Variants in KIF14 observed in about 807,000 individuals in gnomAD.
KIF14 encodes the protein kinesin family member 14, also known as kinesin-like protein KIF14.
In KIF14, 98 loss-of-function variants were observed where a neutral mutation model predicts 176.2. The ratio of observed to expected loss-of-function variants is 0.56; its 90% CI spans 0.47 to 0.66. The LOEUF is 0.66. Among genes scored for constraint, KIF14 ranks in the 30% least tolerant of loss-of-function variants. KIF14 has a pLI of 0.00. For synonymous variants in KIF14, 566 were observed against 632.2 expected (o/e 0.90, Z 1.57); for missense variants, 1,751 against 1,920.4 (o/e 0.91, Z 1.65).
At chr1:200,610,410 T>G (rs556273699) in intron 4 of KIF14, among the ~76,000 whole-genome samples, 1 of 150,094 alleles carries the variant, frequency 6.7e-6, no homozygotes, top group South Asian at 2.1e-4. Context: ...CTCAGGAGGC[T>G]GAGGCAGAAG....
At position 200,598,433 on chromosome 1, in the gene KIF14, C is replaced by T; in HGVS notation, c.2365-12G>A. On this transcript the variant is annotated splice_polypyrimidine_tract_variant and intron_variant, in intron 13 of 29. Transcript: ENST00000367350. ...ATAATTCCTGCTTTCTGGTAGAAGTCAGAAAAAGAAATTAATCTTAATCAC... is the reference window on the plus strand; with the variant it reads ...ATAATTCCTGCTTTCTGGTAGAAGTTAGAAAAAGAAATTAATCTTAATCAC... 6.3e-7 allele frequency: 1 copy of T among 1,593,324 alleles called. No homozygotes were observed. The highest frequency in any genetic ancestry group is 8.5e-7 in the Non-Finnish European group (1 of 1,171,456).
chr1:200,578,806 A>G (rs192837095), intron 21 of KIF14, among the ~76,000 whole-genome samples: 6 of 152,336 alleles, frequency 3.9e-5, no homozygotes, highest in Admixed American at 3.9e-4. Context: ...TTAACAAAAA[A>G]TTCAGCCAGG....
chr1:200,553,870 T>C, intron 29 of KIF14, 103 bp from the exon 30 acceptor site: 2 of 1,163,526 alleles, frequency 1.7e-6, no homozygotes, highest in South Asian at 3.2e-5. Context: ...AAAGTGACCC[T>C]ATCAAAACAA....
rs755937665 is a variant in KIF14 at position 200,600,041 on chromosome 1, AAAT to A, written c.2364+6_2364+8del. The A allele has an allele frequency of 2.3e-4, 341 of 1,513,146 alleles. 3 individuals carry two copies. In the South Asian group the frequency reaches 3.8e-3, roughly 17 times the overall value. 93.7% of individuals were successfully genotyped at this position (1,513,146 alleles called of 1,614,324 possible). On this transcript the variant is annotated splice_donor_region_variant and intron_variant, in intron 13 of 29. Coordinates refer to ENST00000367350, the MANE Select transcript of KIF14 (RefSeq NM_014875.3). ...ATTTTCTAATCAGTTTAGAAAGTTGAAATAATACCTGTAACTCTTTTGTTTCTT... is the reference window on the plus strand; with the variant it reads ...ATTTTCTAATCAGTTTAGAAAGTTGAAATACCTGTAACTCTTTTGTTTCTT...
intron 14 of KIF14, among the ~76,000 whole-genome samples, chr1:200,597,256 AGAAC>A (rs1659399586): frequency 6.6e-6 from 1 of 152,192 alleles, no homozygotes; most frequent in Non-Finnish European, 1.5e-5. Context: ...AATAAAATTA[AGAAC>A]TTCAATCAAT....
chr1:200,568,729 G>A (rs2102604619), intron 23 of KIF14, among the ~76,000 whole-genome samples: 1 of 152,072 alleles, frequency 6.6e-6, no homozygotes, highest in South Asian at 2.1e-4. Context: ...AACCTACTCT[G>A]GCTTTTGTCA....
In KIF14 at chr1:200,619,416, G is replaced by C. The variant is rs537094066; in HGVS notation, c.-115-578C>G. Among the ~76,000 whole-genome samples the C allele has an allele frequency of 9.9e-5, 15 of 151,990 alleles. No individual in the cohort carries two copies. In the East Asian group the frequency reaches 2.9e-3, roughly 29 times the overall value. On this transcript the variant is annotated intron_variant, in intron 1 of 29. Coordinates refer to ENST00000367350, the MANE Select transcript of KIF14 (RefSeq NM_014875.3). ...TCACCAGGCTGGAGTGCAGTGGCAC[G>C]ACCTTGGCTTGCTGCAACCTCCTCC...
intron 21 of KIF14, among the ~76,000 whole-genome samples, chr1:200,576,377 C>T (rs1372336425): frequency 8.6e-5 from 13 of 150,764 alleles, no homozygotes; most frequent in Admixed American, 1.3e-4. Flanking sequence ...ACTCGGGAGG[C>T]TGAGGCAAGA....
chr1:200,570,683 G>C (rs1470315632), intron 22 of KIF14, among the ~76,000 whole-genome samples: 1 of 152,196 alleles, frequency 6.6e-6, no homozygotes, highest in Non-Finnish European at 1.5e-5. Flanking sequence ...ATTTTATCCT[G>C]AGCAAATTAT....
Position 200,552,445 on chromosome 1 carries a change from C to A in KIF14, c.*943G>T, listed in dbSNP as rs1346500200. The A allele has an allele frequency of 6.6e-6, 1 of 152,004 alleles. No homozygotes were observed. The highest frequency in any genetic ancestry group is 2.4e-5 in the African/African-American group (1 of 41,392). The allele number at this position is 152,004 out of a possible 1,614,324, so 9.4% of individuals were successfully genotyped here. On this transcript the variant is annotated 3_prime_UTR_variant, in exon 30 of 30. Coordinates refer to ENST00000367350, the MANE Select transcript of KIF14 (RefSeq NM_014875.3). ...AAAACAAGCATTATCAAGAGAAGGT[C>A]CAGCCTCTGATCTCCTAATCTCATC...
intron 23 of KIF14, among the ~76,000 whole-genome samples, chr1:200,568,295 C>T (rs1657580048): frequency 2.0e-5 from 3 of 152,098 alleles, no homozygotes; most frequent in Non-Finnish European, 4.4e-5. Flanking sequence ...TCAGATAATA[C>T]CGAATAAATA....
chr1:200,605,041 A>G (rs1302896371), intron 8 of KIF14, among the ~76,000 whole-genome samples: 1 of 152,164 alleles, frequency 6.6e-6, no homozygotes, highest in Non-Finnish European at 1.5e-5. Flanking sequence ...TATTTCCTAC[A>G]ATCAAATTAA....
intron 27 of KIF14, among the ~76,000 whole-genome samples, chr1:200,557,407 G>A (rs1379869498): frequency 6.6e-6 from 1 of 152,176 alleles, no homozygotes; most frequent in Non-Finnish European, 1.5e-5. Context: ...GATTTGCCAG[G>A]CACTATATTT....
At chr1:200,576,358 G>C (rs934598818) in intron 21 of KIF14, among the ~76,000 whole-genome samples, 1 of 151,622 alleles carries the variant, frequency 6.6e-6, no homozygotes, top group Non-Finnish European at 1.5e-5. Flanking sequence ...GGCGCCTGTA[G>C]TCCCAGCTAC....
At chr1:200,590,822 C>T (rs181443555) in intron 16 of KIF14, among the ~76,000 whole-genome samples, 57 of 152,200 alleles carry the variant, frequency 3.7e-4, no homozygotes, top group African/African-American at 1.3e-3. Context: ...CTCAGGAGTT[C>T]GAGACCAGCC....
chr1:200,573,221 T>C (rs1657906030), intron 22 of KIF14, among the ~76,000 whole-genome samples: 1 of 152,132 alleles, frequency 6.6e-6, no homozygotes, highest in African/African-American at 2.4e-5. Flanking sequence ...TTAATCTTAA[T>C]AGTAAATCCC....
At chr1:200,607,993 C>G (rs1659966323) in intron 5 of KIF14, among the ~76,000 whole-genome samples, 1 of 152,114 alleles carries the variant, frequency 6.6e-6, no homozygotes, top group African/African-American at 2.4e-5. Flanking sequence ...GCCAACACGC[C>G]CAGCCGTCTT....
rs567463034 is a variant in KIF14, at chr1:200,558,912, A to G, written c.4353+418T>C. On this transcript the variant is annotated intron_variant, in intron 27 of 29. Coordinates refer to ENST00000367350, the MANE Select transcript of KIF14 (RefSeq NM_014875.3). ...TTGGTTCTGTATCTTGATATGAAAT[A>G]TCTTATGTGAATGCCCCAGAAAAAT... Among the ~76,000 whole-genome samples the G allele has an allele frequency of 1.9e-4, 29 of 152,360 alleles. No homozygotes were observed. The South Asian group carries it at 5.8e-3, about 30-fold the overall frequency.
At chr1:200,617,034 G>A (rs1273158029) in intron 2 of KIF14, among the ~76,000 whole-genome samples, 2 of 152,108 alleles carry the variant, frequency 1.3e-5, no homozygotes, top group African/African-American at 4.8e-5. Context: ...GTGGCCTGAT[G>A]TCAGCTCAAT....
Sources: allele counts gnomAD v4.1 joint callset (sites outside exome capture counted in the v4.1 genomes callset), GRCh38; gene constraint gnomAD v4.1.1; transcripts MANE v1.5; gene names NCBI Gene and HGNC (gene_info 2026-07-23, HGNC 2026-07-21).